Variants in DGLUCY observed in about 807,000 individuals in gnomAD.
The protein encoded by DGLUCY is D-glutamate cyclase, mitochondrial.
A neutral mutation model predicts 58.5 loss-of-function variants in DGLUCY; 58 were observed. The ratio of observed to expected loss-of-function variants is 0.99; its 90% CI spans 0.80 to 1.23. The LOEUF (loss-of-function observed/expected upper bound fraction) is 1.23, where lower values mean the gene tolerates loss of function less well. Ranked by LOEUF, DGLUCY falls within the 50% of genes most tolerant of loss-of-function variation. The pLI is 0.00. For synonymous variants in DGLUCY, 325 were observed against 314.1 expected (o/e 1.03, Z -0.37); for missense variants, 779 against 784.7 (o/e 0.99, Z 0.09).
At chr14:91,216,333 T>C (rs934588382) in intron 13 of DGLUCY, 5 of 154,496 alleles carry the variant, frequency 3.2e-5, no homozygotes, top group African/African-American at 1.2e-4. Flanking sequence ...CTTCAAGTAG[T>C]CTGGGGCCAT....
intron 1 of DGLUCY, among the ~76,000 whole-genome samples, chr14:91,076,825 G>A (rs533294965): frequency 7.4e-4 from 112 of 152,304 alleles, no homozygotes; most frequent in African/African-American, 2.3e-3. Context: ...GCTGCATGAG[G>A]GAGGGAGTTA....
intron 3 of DGLUCY, among the ~76,000 whole-genome samples, chr14:91,162,087 T>G (rs981877326): frequency 6.6e-6 from 1 of 151,962 alleles, no homozygotes; most frequent in Non-Finnish European, 1.5e-5. Flanking sequence ...TTTCTAAGCC[T>G]CACCTACACA....
intron 1 of DGLUCY, among the ~76,000 whole-genome samples, chr14:91,150,646 G>A (rs781560446): frequency 6.6e-6 from 1 of 151,852 alleles, no homozygotes; most frequent in African/African-American, 2.4e-5. Context: ...TGGGGGTCTC[G>A]CACTCCTGGA....
Position 91,176,074 on chromosome 14 carries a change from G to A in DGLUCY, c.730+18G>A. Reference sequence around the variant, plus strand: ...CAGCTGTGGTACGTTGGGGGATAATGGGACAATCGATCTGCCCTAGGATGG... The same window carrying A: ...CAGCTGTGGTACGTTGGGGGATAATAGGACAATCGATCTGCCCTAGGATGG... On this transcript the variant is annotated intron_variant, in intron 7 of 13. Coordinates refer to ENST00000256324, the MANE Select transcript of DGLUCY (RefSeq NM_001102368.3). 6.2e-7 allele frequency: 1 copy of A among 1,613,270 alleles called. No individual in the cohort carries two copies. The highest frequency in any genetic ancestry group is 1.1e-5 in the South Asian group (1 of 91,002).
chr14:91,087,511 T>G (rs2044243035), intron 1 of DGLUCY, among the ~76,000 whole-genome samples: 1 of 152,266 alleles, frequency 6.6e-6, no homozygotes. Context: ...CAATTTAGCT[T>G]AAATATTTGC....
intron 3 of DGLUCY, among the ~76,000 whole-genome samples, chr14:91,163,747 A>G (rs562087375): frequency 3.9e-5 from 6 of 152,280 alleles, no homozygotes; most frequent in South Asian, 2.1e-4. Context: ...ACCCTGGGAA[A>G]GTCATTTCAT....
intron 1 of DGLUCY, among the ~76,000 whole-genome samples, chr14:91,092,235 C>T (rs777066605): frequency 2.6e-5 from 4 of 152,216 alleles, no homozygotes; most frequent in Non-Finnish European, 5.9e-5. Flanking sequence ...TACGGCTGCT[C>T]TTCCCAATTA....
At chr14:91,160,492 T>G in intron 3 of DGLUCY, 95 bp downstream of exon 3, 1 of 836,416 alleles carries the variant, frequency 1.2e-6, no homozygotes, top group Non-Finnish European at 1.8e-6. Context: ...CTCCTAAGAC[T>G]TCTAGATTCT....
At chr14:91,162,306 A>C (rs1034764183) in intron 3 of DGLUCY, among the ~76,000 whole-genome samples, 10 of 152,238 alleles carry the variant, frequency 6.6e-5, no homozygotes, top group African/African-American at 2.4e-4. Context: ...AAGTTAAAAA[A>C]AATGATTTTG....
intron 1 of DGLUCY, among the ~76,000 whole-genome samples, chr14:91,063,067 T>C (rs1220941432): frequency 1.3e-5 from 2 of 152,138 alleles, no homozygotes; most frequent in Non-Finnish European, 2.9e-5. Flanking sequence ...AAAGGAAAAT[T>C]ACAGGGTGCT....
intron 1 of DGLUCY, among the ~76,000 whole-genome samples, chr14:91,070,756 T>C (rs1305436702): frequency 6.6e-6 from 1 of 151,914 alleles, no homozygotes; most frequent in African/African-American, 2.4e-5. Context: ...GCAATAGAGA[T>C]CCAATAGATG....
intron 1 of DGLUCY, among the ~76,000 whole-genome samples, chr14:91,100,073 AAAG>A (rs1555390874): frequency 5.0e-5 from 6 of 121,172 alleles, no homozygotes; most frequent in Non-Finnish European, 8.5e-5. Context: ...AAAAAAAAAA[AAAG>A]AAGAAGAAGA....
At chr14:91,145,992 C>T (rs1476255578) in intron 1 of DGLUCY, among the ~76,000 whole-genome samples, 1 of 152,144 alleles carries the variant, frequency 6.6e-6, no homozygotes, top group Non-Finnish European at 1.5e-5. Flanking sequence ...AATCCTCCCG[C>T]ATCAGTCTCC....
rs115454416 is a variant in DGLUCY at position 91,134,851 on chromosome 14, T to C, written c.-82+20568T>C. On this transcript the variant is annotated intron_variant, in intron 1 of 13. Coordinates refer to ENST00000256324, the MANE Select transcript of DGLUCY (RefSeq NM_001102368.3). ...CACTTACTAATTTTAATAATTTATT[T>C]GTAGATAATGTTGGGTTTTCCACGC... is the stretch of plus-strand genomic sequence containing the variant. Among the ~76,000 whole-genome samples, 227 of 152,342 alleles carry C rather than the reference T, an allele frequency of 1.5e-3. 2 individuals are homozygous for C. The highest frequency in any genetic ancestry group is 4.2e-3 in the Admixed American group (64 of 15,296).
At chr14:91,185,271 A>ATTTTT (rs35639010) in intron 8 of DGLUCY, among the ~76,000 whole-genome samples, 1,450 of 38,422 alleles carry the variant, frequency 0.038, 184 homozygotes, top group Middle Eastern at 0.053. Flanking sequence ...GCCCAGCCGG[A>ATTTTT]TTTTTTTTTT....
chr14:91,082,327 G>T (rs1430170538), intron 1 of DGLUCY, among the ~76,000 whole-genome samples: 1 of 152,184 alleles, frequency 6.6e-6, no homozygotes, highest in Admixed American at 6.5e-5. Flanking sequence ...ATGATGTTCT[G>T]ACCATCATTT....
At chr14:91,094,651 C>T (rs545858872) in intron 1 of DGLUCY, among the ~76,000 whole-genome samples, 4 of 151,566 alleles carry the variant, frequency 2.6e-5, no homozygotes, top group Admixed American at 6.6e-5. Flanking sequence ...GGTGAAACCC[C>T]ATCTCTACTA....
At chr14:91,122,960 G>A (rs540096292) in intron 1 of DGLUCY, among the ~76,000 whole-genome samples, 71 of 152,236 alleles carry the variant, frequency 4.7e-4, no homozygotes, top group African/African-American at 1.7e-3. Context: ...CACTCACTAT[G>A]TAGCCGGCAC....
At chr14:91,214,320 T>A (rs1282955887) in intron 12 of DGLUCY, among the ~76,000 whole-genome samples, 1 of 151,506 alleles carries the variant, frequency 6.6e-6, no homozygotes, top group Non-Finnish European at 1.5e-5. Flanking sequence ...TCATCAATTC[T>A]TCTTCAACTG....
Sources: allele counts gnomAD v4.1 joint callset (sites outside exome capture counted in the v4.1 genomes callset), GRCh38; gene constraint gnomAD v4.1.1; transcripts MANE v1.5; gene names NCBI Gene and HGNC (gene_info 2026-07-23, HGNC 2026-07-21).